Variants in SLC35F6 observed in about 807,000 individuals in gnomAD.
SLC35F6 encodes solute carrier family 35 member F6.
In SLC35F6, 26 loss-of-function variants were observed where a neutral mutation model predicts 29.4. The ratio of observed to expected loss-of-function variants is 0.89; its 90% CI spans 0.65 to 1.23. SLC35F6 has a LOEUF of 1.23. Among genes scored for constraint, SLC35F6 ranks in the 50% most tolerant of loss-of-function variants. The pLI, the probability that SLC35F6 is intolerant of heterozygous loss-of-function variation, is 0.00. For synonymous variants in SLC35F6, 174 were observed against 206.6 expected, an observed-to-expected ratio of 0.84 and a Z score of 1.35; for missense variants, 428 against 487.8, an observed-to-expected ratio of 0.88 and a Z score of 1.15.
rs1664272349 is a variant in SLC35F6, at chr2:26,775,027, G to A, written c.151-17G>A. ...ATCCCTTCCAGCTCTGAAGTCCTCG[G>A]GTTTTCATCCCTGCAGGCAGTGGGC... On this transcript the variant is annotated splice_polypyrimidine_tract_variant and intron_variant, in intron 2 of 5. Transcript: ENST00000344420. The surrounding 1 kb of genome is among the most constrained non-coding windows in gnomAD (Gnocchi z 4.6). 6.2e-7 allele frequency: 1 copy of A among 1,606,086 alleles called. No homozygotes were observed. The highest frequency in any genetic ancestry group is 1.3e-5 in the African/African-American group (1 of 74,604).
intron 1 of SLC35F6, among the ~76,000 whole-genome samples, chr2:26,769,471 G>T (rs1357362776): frequency 6.6e-6 from 1 of 152,266 alleles, no homozygotes; most frequent in Non-Finnish European, 1.5e-5. Flanking sequence ...ACTCAGAGGA[G>T]AGCTTCAGAG....
chr2:26,780,200 C>T lies in SLC35F6; in HGVS notation c.*1689C>T, dbSNP rs1460708351. ...AGATTACAGGGAAATTCCAGGCAGCCCTTGTCAATTGTTTTTATGAATTCT... is the reference window on the plus strand; with the variant it reads ...AGATTACAGGGAAATTCCAGGCAGCTCTTGTCAATTGTTTTTATGAATTCT... On this transcript the variant is annotated 3_prime_UTR_variant, in exon 6 of 6. Transcript: ENST00000344420. 6.6e-6 allele frequency: 1 copy of T among 152,058 alleles called. No homozygotes were observed. Among genetic ancestry groups the T allele is most frequent in the Non-Finnish European group, 1.5e-5 (1 of 68,014 alleles). 9.4% of individuals were successfully genotyped at this position (152,058 alleles called of 1,614,324 possible).
intron 1 of SLC35F6, among the ~76,000 whole-genome samples, chr2:26,768,410 T>C (rs1664132980): frequency 6.6e-6 from 1 of 151,400 alleles, no homozygotes; most frequent in East Asian, 1.9e-4. Context: ...TCATCCAGGC[T>C]GGAGTGCAGT....
Position 26,774,251 on chromosome 2 carries a change from A to G in SLC35F6, c.78A>G (p.Lys26=), listed in dbSNP as rs772703241. 3 of 1,614,050 alleles carry G rather than the reference A, an allele frequency of 1.9e-6. No individual in the cohort carries two copies. Among genetic ancestry groups the G allele is most frequent in the East Asian group, 4.5e-5 (2 of 44,884 alleles). The change falls in exon 2 of 6, where the codon AAA becomes AAG. Residue 26 remains lysine (K), a splice_region_variant and synonymous_variant. Transcript: ENST00000344420. ...CTGACCTTCCCTCTCTCTCCTACAG[A>G]TGGGCGGACAATTTCATGGCCGAGG... is the stretch of plus-strand genomic sequence containing the variant. ...VTGSINTLSA[K]WADNFMAEGC... is the part of the protein sequence containing the mutation.
At position 26,775,559 on chromosome 2, in the gene SLC35F6, C is replaced by T. The variant is rs574036576; in HGVS notation, c.418C>T (p.Leu140=). The stretch of plus-strand genomic sequence containing the variant: ...CTCGGTGGCCTTCCTGGGCCGGAGG[C>T]TGGTGCTGAGCCAGTGGCTGGGCAT... ...LFSVAFLGRR[L]VLSQWLGILA... is the part of the protein sequence containing the mutation. The change falls in exon 4 of 6, where the codon CTG becomes TTG. Residue 140 remains leucine (L), a synonymous_variant. Transcript: ENST00000344420. The surrounding 1 kb of genome is among the most constrained non-coding windows in gnomAD (Gnocchi z 4.6). The T allele has an allele frequency of 1.9e-4, 311 of 1,609,308 alleles. 1 individual carries two copies. The South Asian group carries it at 3.3e-3, about 17-fold the overall frequency.
intron 1 of SLC35F6, 55 bp downstream of exon 1, chr2:26,764,481 A>G: frequency 6.5e-7 from 1 of 1,542,606 alleles, no homozygotes; most frequent in Non-Finnish European, 8.8e-7. Flanking sequence ...CGCTCGTTCT[A>G]CGCCTTCCCC....
At chr2:26,767,203 TG>T in intron 1 of SLC35F6, among the ~76,000 whole-genome samples, 1 of 152,234 alleles carries the variant, frequency 6.6e-6, no homozygotes, top group African/African-American at 2.4e-5. Context: ...CCTGTGCTTG[TG>T]GAAGTTGTAA....
intron 1 of SLC35F6, among the ~76,000 whole-genome samples, chr2:26,771,053 C>G (rs1664187971): frequency 1.3e-5 from 2 of 152,230 alleles, no homozygotes; most frequent in Non-Finnish European, 2.9e-5. Context: ...ATACCATTTC[C>G]CCAGCCGGGA....
Position 26,775,025 on chromosome 2 carries a change from C to T in SLC35F6, c.151-19C>T, listed in dbSNP as rs146052329. On this transcript the variant is annotated intron_variant, in intron 2 of 5. Transcript: ENST00000344420. The surrounding 1 kb of genome is among the most constrained non-coding windows in gnomAD (Gnocchi z 4.6). ...AGATCCCTTCCAGCTCTGAAGTCCT[C>T]GGGTTTTCATCCCTGCAGGCAGTGG... The T allele has an allele frequency of 1.1e-4, 172 of 1,603,268 alleles. No individual in the cohort carries two copies. In the African/African-American group the frequency reaches 1.6e-3, roughly 15 times the overall value.
intron 1 of SLC35F6, among the ~76,000 whole-genome samples, chr2:26,771,175 G>A (rs1045687998): frequency 6.6e-6 from 1 of 152,198 alleles, no homozygotes; most frequent in Non-Finnish European, 1.5e-5. Context: ...CCCAAGAAGC[G>A]CCCCAGCCTT....
Position 26,775,682 on chromosome 2 carries a change from G to A in SLC35F6, c.535+6G>A. 1 of 1,561,530 alleles carries A rather than the reference G, an allele frequency of 6.4e-7. No individual in the cohort carries two copies. The highest frequency in any genetic ancestry group is 8.6e-7 in the Non-Finnish European group (1 of 1,157,046). On this transcript the variant is annotated splice_donor_region_variant and intron_variant, in intron 4 of 5. Coordinates refer to ENST00000344420, the MANE Select transcript of SLC35F6 (RefSeq NM_017877.4). The surrounding 1 kb of genome is among the most constrained non-coding windows in gnomAD (Gnocchi z 4.6). ...GCTCAGCGAAGTGATCACAGGTGCG[G>A]CCAGGGGCAGGGACACGGGGCTGCC...
intron 1 of SLC35F6, chr2:26,765,101 G>GA (rs2148053446): frequency 1.3e-6 from 1 of 749,940 alleles, no homozygotes; most frequent in Non-Finnish European, 1.6e-6. Context: ...TTTGGTGCAG[G>GA]AAAAACCACT....
In SLC35F6 at chr2:26,776,928, G is replaced by A. The variant is rs1439383393; in HGVS notation, c.646+446G>A. ...AATAATTTTGAGTGTGGCCAGGTGCGGTGGCTCATACCTGTAATCCCAGCA... is the reference window on the plus strand; with the variant it reads ...AATAATTTTGAGTGTGGCCAGGTGCAGTGGCTCATACCTGTAATCCCAGCA... On this transcript the variant is annotated intron_variant, in intron 5 of 5. Coordinates refer to ENST00000344420, the MANE Select transcript of SLC35F6 (RefSeq NM_017877.4). Among the ~76,000 whole-genome samples the A allele has an allele frequency of 9.8e-5, 15 of 152,290 alleles. No individual in the cohort carries two copies. In the East Asian group the frequency reaches 1.2e-3, roughly 12 times the overall value.
At chr2:26,770,097 A>C (rs112215800) in intron 1 of SLC35F6, among the ~76,000 whole-genome samples, 1,580 of 152,278 alleles carry the variant, frequency 0.01, 20 homozygotes, top group Non-Finnish European at 0.016. Flanking sequence ...GAAGTGTCCT[A>C]TGAATTGTGC....
intron 1 of SLC35F6, among the ~76,000 whole-genome samples, chr2:26,771,100 G>A (rs555091333): frequency 1.8e-4 from 27 of 152,318 alleles, no homozygotes; most frequent in Non-Finnish European, 2.4e-4. Flanking sequence ...AGACCTACCC[G>A]TGGAGAAAGC....
At chr2:26,774,935 G>C (rs1664269914) in intron 2 of SLC35F6, 109 bp from the exon 3 acceptor site, 1 of 1,279,312 alleles carries the variant, frequency 7.8e-7, no homozygotes, top group Non-Finnish European at 1.1e-6. Context: ...TACATATTGG[G>C]GTTCTGGGTA....
In SLC35F6 at chr2:26,780,490, TAA is replaced by T. The variant is rs1435778442; in HGVS notation, c.*1980_*1981del. Reference sequence around the variant, plus strand: ...AATTCTGGTATCCTGGGCGTTGCGTTAAGTTGCTTAACTTTCATTCTGTCTTA... The same window carrying T: ...AATTCTGGTATCCTGGGCGTTGCGTTGTTGCTTAACTTTCATTCTGTCTTA... On this transcript the variant is annotated 3_prime_UTR_variant, in exon 6 of 6. Transcript: ENST00000344420. 6.6e-6 allele frequency: 1 copy of T among 152,244 alleles called. No homozygotes were observed. Among genetic ancestry groups the T allele is most frequent in the African/African-American group, 2.4e-5 (1 of 41,464 alleles). The allele number at this position is 152,244 out of a possible 1,614,324, so 9.4% of individuals were successfully genotyped here.
chr2:26,778,320 G>A lies in SLC35F6; in HGVS notation c.925G>A (p.Ala309Thr), dbSNP rs755280937. The A allele has an allele frequency of 1.2e-6, 2 of 1,614,180 alleles. No homozygotes were observed. The change falls in exon 6 of 6, where the codon GCA (alanine) becomes ACA (threonine). Residue 309 changes from alanine (A) to threonine (T), a missense_variant. Transcript: ENST00000344420. ...CGTTGTCATCTGGGCACTGAGCCTG[G>A]CACTGGGCTGGGAGGCCTTCCATGC... is the stretch of plus-strand genomic sequence containing the variant. ...RTVVIWALSL[A>T]LGWEAFHALQ... is the part of the protein sequence containing the mutation.
rs1231390056 is a variant in SLC35F6, at chr2:26,779,562, C to T, written c.*1051C>T. The T allele has an allele frequency of 6.6e-6, 1 of 152,372 alleles. No individual in the cohort carries two copies. Among genetic ancestry groups the T allele is most frequent in the Non-Finnish European group, 1.5e-5 (1 of 68,244 alleles). The allele number at this position is 152,372 out of a possible 1,614,324, so 9.4% of individuals were successfully genotyped here. A position where few individuals can be genotyped will look rare whatever the true frequency, so the allele number is the denominator to read the frequency against. On this transcript the variant is annotated 3_prime_UTR_variant, in exon 6 of 6. Transcript: ENST00000344420. ...TTCTTCTTTTTGAGACAGAGTCTTG[C>T]TCTGTTGCCACGCTGGAGTGCAGTG...
Sources: gnomAD v4.1 joint callset for allele counts (sites outside exome capture counted in the v4.1 genomes callset) on GRCh38, gnomAD v4.1.1 for gene constraint, Gnocchi (gnomAD v3.1) non-coding constraint, MANE v1.5 for transcripts, NCBI Gene and HGNC (gene_info 2026-07-23, HGNC 2026-07-21) for gene names.